The following COLGALT2 variants were observed in gnomAD, a reference collection of about 807,000 sequenced individuals.
COLGALT2 encodes collagen beta(1-O)galactosyltransferase 2.
COLGALT2 carries 49 observed loss-of-function variants against 73.4 expected under a neutral mutation model. That is an observed-to-expected ratio of 0.67 (90% CI 0.53 to 0.85). The LOEUF (loss-of-function observed/expected upper bound fraction) is 0.85. Ranked by LOEUF, COLGALT2 falls within the 40% of genes least tolerant of loss-of-function variation. The probability of loss-of-function intolerance (pLI) is 0.00; values close to 1 mark genes in which losing one functional copy is unlikely to be tolerated. For missense variants in COLGALT2, 722 were observed against 790.2 expected (o/e 0.91, Z 1.03); for synonymous variants, 295 against 307.6 (o/e 0.96, Z 0.43).
rs1670006569 is a variant in COLGALT2, at chr1:183,938,070, A to G, written c.*691T>C. On this transcript the variant is annotated 3_prime_UTR_variant, in exon 12 of 12. Coordinates refer to ENST00000361927, the MANE Select transcript of COLGALT2 (RefSeq NM_015101.4). The stretch of plus-strand genomic sequence containing the variant: ...CAAATACCTACACAAACTGTCAAAT[A>G]TCTACTAAATTATATCCACATGGCA... 1 of 985,308 alleles carries G rather than the reference A, an allele frequency of 1.0e-6. No homozygotes were observed. The highest frequency in any genetic ancestry group is 1.2e-6 in the Non-Finnish European group (1 of 829,974). The allele number at this position is 985,308 out of a possible 1,614,324, so 61.0% of individuals were successfully genotyped here. A position where few individuals can be genotyped will look rare whatever the true frequency, so the allele number is the denominator to read the frequency against.
intron 1 of COLGALT2, among the ~76,000 whole-genome samples, chr1:184,014,546 C>T (rs765743772): frequency 2.0e-5 from 3 of 150,370 alleles, no homozygotes; most frequent in African/African-American, 4.8e-5. Flanking sequence ...TGGCAAATGT[C>T]GACCATTCTC....
chr1:183,993,894 G>C (rs1489687127), intron 1 of COLGALT2, among the ~76,000 whole-genome samples: 1 of 152,072 alleles, frequency 6.6e-6, no homozygotes, highest in Non-Finnish European at 1.5e-5. Context: ...CTTCAGCAGA[G>C]GATCCAAAAG....
chr1:183,966,832 G>A (rs1477307396), intron 5 of COLGALT2, among the ~76,000 whole-genome samples: 1 of 152,158 alleles, frequency 6.6e-6, no homozygotes, highest in Non-Finnish European at 1.5e-5. Context: ...GGGCTAGAAG[G>A]GTGGCCAAGC....
chr1:183,936,506 C>T lies in COLGALT2; in HGVS notation c.*2255G>A. ...ATGAGAGTTCTTAAATCTGTCAGAC[C>T]AGCTGACAGGGGAACAGGAAAAAAA... On this transcript the variant is annotated 3_prime_UTR_variant, in exon 12 of 12. Coordinates refer to ENST00000361927, the MANE Select transcript of COLGALT2 (RefSeq NM_015101.4). The T allele has an allele frequency of 9.9e-7, 1 of 1,012,128 alleles. No individual in the cohort carries two copies. The highest frequency in any genetic ancestry group is 1.7e-5 in the African/African-American group (1 of 58,112). The allele number at this position is 1,012,128 out of a possible 1,614,324, so 62.7% of individuals were successfully genotyped here.
chr1:184,030,630 G>T (rs2148680), intron 1 of COLGALT2, among the ~76,000 whole-genome samples: 1 of 152,154 alleles, frequency 6.6e-6, no homozygotes, highest in Non-Finnish European at 1.5e-5. Context: ...GGCATTCATT[G>T]TTCATTCCTA....
At position 183,973,687 on chromosome 1, in the gene COLGALT2, T is replaced by C. The variant is rs998470762; in HGVS notation, c.556A>G (p.Lys186Glu). ...TCCAGCATGGGGGCCACAATAGTTT[T>C]GTTTTCTGCAATCAGTAGATTGAGG... ...QTLNLLIAEN[K>E]TIVAPMLESR... is the part of the protein sequence containing the mutation. Residue 186 changes from lysine (K) to glutamate (E), a missense_variant, in exon 4 of 12, where the codon AAA becomes GAA. By Grantham distance (56) the Lys-to-Glu change is moderately conservative. Coordinates refer to ENST00000361927, the MANE Select transcript of COLGALT2 (RefSeq NM_015101.4). 1.9e-6 allele frequency: 3 copies of C among 1,614,042 alleles called. No individual in the cohort carries two copies. The highest frequency in any genetic ancestry group is 2.5e-6 in the Non-Finnish European group (3 of 1,180,020).
At chr1:184,014,066 G>T (rs1648920551) in intron 1 of COLGALT2, among the ~76,000 whole-genome samples, 1 of 152,180 alleles carries the variant, frequency 6.6e-6, no homozygotes, top group African/African-American at 2.4e-5. Flanking sequence ...AATGTCAGGA[G>T]ATCTCTAGGT....
chr1:183,974,861 A>T (rs147350635), intron 3 of COLGALT2, among the ~76,000 whole-genome samples: 16 of 152,336 alleles, frequency 1.1e-4, no homozygotes, highest in African/African-American at 3.8e-4. Flanking sequence ...GCAGAGACCA[A>T]ATAATTCAGG....
intron 5 of COLGALT2, among the ~76,000 whole-genome samples, chr1:183,968,115 T>A (rs1670931737): frequency 6.6e-6 from 1 of 152,174 alleles, no homozygotes; most frequent in South Asian, 2.1e-4. Context: ...TGCCGGAGGA[T>A]CTTTGCACCA....
chr1:184,004,390 G>T (rs1025854221), intron 1 of COLGALT2, among the ~76,000 whole-genome samples: 6 of 152,116 alleles, frequency 3.9e-5, no homozygotes, highest in African/African-American at 1.2e-4. Flanking sequence ...GTAACACAAA[G>T]GATTTATTCC....
chr1:184,034,484 C>T (rs1649611521), intron 1 of COLGALT2, among the ~76,000 whole-genome samples: 1 of 152,092 alleles, frequency 6.6e-6, no homozygotes, highest in African/African-American at 2.4e-5. Context: ...CTTTAAAAGC[C>T]ATTCAGATCA....
intron 1 of COLGALT2, among the ~76,000 whole-genome samples, chr1:184,012,810 T>C (rs1648853486): frequency 6.6e-6 from 1 of 152,242 alleles, no homozygotes; most frequent in South Asian, 2.1e-4. Context: ...ATCTCAGTTT[T>C]ATCATAAAAT....
chr1:183,979,402 G>A (rs987940153), intron 1 of COLGALT2, among the ~76,000 whole-genome samples: 1 of 151,740 alleles, frequency 6.6e-6, no homozygotes, highest in African/African-American at 2.4e-5. Flanking sequence ...TGACAAAGAA[G>A]GAGACTTTAT....
At chr1:183,964,452 C>T in intron 5 of COLGALT2, 1 of 186,120 alleles carries the variant, frequency 5.4e-6, no homozygotes, top group Non-Finnish European at 1.1e-5. Flanking sequence ...GTAACGCTGA[C>T]AGATTATTAA....
chr1:183,939,989 G>T (rs2148675), intron 11 of COLGALT2, among the ~76,000 whole-genome samples: 1 of 152,086 alleles, frequency 6.6e-6, no homozygotes, highest in African/African-American at 2.4e-5. Context: ...TTTGATAAGC[G>T]CTAGGTCAGG....
intron 5 of COLGALT2, among the ~76,000 whole-genome samples, chr1:183,967,428 T>A (rs1423790035): frequency 6.6e-6 from 1 of 152,254 alleles, no homozygotes; most frequent in Non-Finnish European, 1.5e-5. Context: ...ACTTTGGGTG[T>A]CTACCTGCTT....
intron 1 of COLGALT2, among the ~76,000 whole-genome samples, chr1:183,980,585 A>G (rs1354306230): frequency 6.6e-6 from 1 of 152,100 alleles, no homozygotes; most frequent in African/African-American, 2.4e-5. Flanking sequence ...AAAAACCCCA[A>G]CTAGGCTCAT....
At chr1:183,943,683 T>C (rs1572629086) in intron 10 of COLGALT2, among the ~76,000 whole-genome samples, 1 of 152,294 alleles carries the variant, frequency 6.6e-6, no homozygotes, top group East Asian at 1.9e-4. Flanking sequence ...TAGTTGTCCA[T>C]GTTCTTCATG....
At chr1:183,961,726 T>C (rs1012167613) in intron 6 of COLGALT2, among the ~76,000 whole-genome samples, 9 of 152,316 alleles carry the variant, frequency 5.9e-5, no homozygotes, top group Middle Eastern at 3.4e-3. Flanking sequence ...ATTTGCTCAT[T>C]TGTTCATGCA....
Sources: gnomAD v4.1 joint callset for allele counts (sites outside exome capture counted in the v4.1 genomes callset) on GRCh38, gnomAD v4.1.1 for gene constraint, MANE v1.5 for transcripts, NCBI Gene and HGNC (gene_info 2026-07-23, HGNC 2026-07-21) for gene names.